The following CDH23 variants were observed in gnomAD, a reference collection of about 807,000 sequenced individuals.
CDH23 encodes cadherin related 23, also known as cadherin-23.
Under a neutral mutation model 317.1 loss-of-function variants are expected in CDH23, and 189 were observed. The observed-to-expected ratio is 0.60, with a 90% confidence interval of 0.53 to 0.67. The LOEUF (loss-of-function observed/expected upper bound fraction) is 0.67, where lower values mean the gene tolerates loss of function less well. Ranked by LOEUF, CDH23 falls within the 30% of genes least tolerant of loss-of-function variation. The pLI, the probability that CDH23 is intolerant of heterozygous loss-of-function variation, is 0.00. For missense variants in CDH23, 4,401 were observed against 4,592.4 expected, an observed-to-expected ratio of 0.96 and a Z score of 1.20; for synonymous variants, 1,839 against 1,876.8, an observed-to-expected ratio of 0.98 and a Z score of 0.52.
chr10:71,414,551 G>A (rs1393413635), intron 1 of CDH23, among the ~76,000 whole-genome samples: 1 of 152,152 alleles, frequency 6.6e-6, no homozygotes, highest in Non-Finnish European at 1.5e-5. Flanking sequence ...CCCCTTATCT[G>A]TTATTGCAAT....
rs1865884474 is a variant in CDH23 at position 71,709,084 on chromosome 10, T to C, written c.3107-14T>C. 2 of 1,612,604 alleles carry C rather than the reference T, an allele frequency of 1.2e-6. No homozygotes were observed. The highest frequency in any genetic ancestry group is 1.7e-5 in the Admixed American group (1 of 59,998). On this transcript the variant is annotated splice_polypyrimidine_tract_variant and intron_variant, in intron 26 of 69. Coordinates refer to ENST00000224721, the MANE Select transcript of CDH23 (RefSeq NM_022124.6). The stretch of plus-strand genomic sequence containing the variant: ...CTGTTTCCCAGCCGGAAGCTTCCTC[T>C]CCTTCACCCACAGGTGGCAACGTGG...
chr10:71,457,033 G>A (rs1168662067), intron 3 of CDH23, among the ~76,000 whole-genome samples: 1 of 152,220 alleles, frequency 6.6e-6, no homozygotes, highest in African/African-American at 2.4e-5. Context: ...GCAAGTGGGA[G>A]GCATGAACTA....
chr10:71,538,299 G>GA (rs770438182), intron 6 of CDH23, among the ~76,000 whole-genome samples: 8 of 152,190 alleles, frequency 5.3e-5, no homozygotes, highest in Non-Finnish European at 8.8e-5. Flanking sequence ...CCCAGTGAGG[G>GA]AAAATATGTC....
chr10:71,402,859 G>A (rs1402045831), intron 1 of CDH23, among the ~76,000 whole-genome samples: 3 of 152,306 alleles, frequency 2.0e-5, no homozygotes, highest in South Asian at 4.1e-4. Flanking sequence ...GCTCACGCCT[G>A]TAATCCCAGC....
intron 31 of CDH23, among the ~76,000 whole-genome samples, 180 bp from the exon 32 acceptor site, chr10:71,731,807 C>T (rs1839397692): frequency 6.6e-6 from 1 of 152,192 alleles, no homozygotes; most frequent in South Asian, 2.1e-4. Flanking sequence ...TGGACCTTGC[C>T]ATCCACATTG....
chr10:71,416,673 T>G (rs1848546414), intron 1 of CDH23, among the ~76,000 whole-genome samples: 1 of 152,154 alleles, frequency 6.6e-6, no homozygotes, highest in African/African-American at 2.4e-5. Context: ...TACCTTTGCT[T>G]TTTATTTTTA....
chr10:71,734,682 T>C, intron 34 of CDH23, 24 bp downstream of exon 34: 1 of 1,383,932 alleles, frequency 7.2e-7, no homozygotes, highest in Non-Finnish European at 9.8e-7. Flanking sequence ...GGCTGGAGCT[T>C]CCCCTGTGCT....
intron 1 of CDH23, among the ~76,000 whole-genome samples, chr10:71,413,548 T>C (rs573000837): frequency 2.0e-5 from 3 of 152,366 alleles, no homozygotes; most frequent in African/African-American, 7.2e-5. Context: ...AGAATTACAT[T>C]AAGTCTGTAG....
intron 3 of CDH23, among the ~76,000 whole-genome samples, chr10:71,499,299 C>T (rs1853148316): frequency 6.6e-6 from 1 of 152,210 alleles, no homozygotes. Flanking sequence ...AGTTAGCTCA[C>T]ACCTATAATC....
At chr10:71,776,325 G>A (rs1840816301) in intron 38 of CDH23, among the ~76,000 whole-genome samples, 1 of 152,182 alleles carries the variant, frequency 6.6e-6, no homozygotes, top group Non-Finnish European at 1.5e-5. Context: ...TCCAGTGGTA[G>A]CTCCAGAGCC....
intron 6 of CDH23, among the ~76,000 whole-genome samples, chr10:71,539,503 G>A (rs771698297): frequency 2.0e-5 from 3 of 151,740 alleles, no homozygotes; most frequent in East Asian, 1.9e-4. Context: ...TTTGTTAGAC[G>A]CATGTCAAGC....
intron 14 of CDH23, among the ~76,000 whole-genome samples, chr10:71,655,296 GC>G (rs1182109914): frequency 3.9e-5 from 6 of 152,062 alleles, no homozygotes; most frequent in African/African-American, 1.4e-4. Context: ...TCCAGCCCTT[GC>G]CCCCATACCC....
chr10:71,566,664 G>T, intron 6 of CDH23, 78 bp from the exon 7 acceptor site: 2 of 1,338,606 alleles, frequency 1.5e-6, no homozygotes, highest in African/African-American at 1.5e-5. Context: ...TAGAGAATGG[G>T]CTTTGAGGGA....
At chr10:71,633,817 C>T (rs1048443203) in intron 11 of CDH23, among the ~76,000 whole-genome samples, 2 of 152,196 alleles carry the variant, frequency 1.3e-5, no homozygotes, top group African/African-American at 2.4e-5. Context: ...CCAGTCCTCG[C>T]TCCCCATCTC....
intron 3 of CDH23, among the ~76,000 whole-genome samples, chr10:71,447,855 T>C (rs1448425269): frequency 6.6e-6 from 1 of 152,160 alleles, no homozygotes; most frequent in Non-Finnish European, 1.5e-5. Flanking sequence ...CACCTGTGAC[T>C]CCTCTCTCCA....
chr10:71,617,709 G>A (rs1385970869), intron 11 of CDH23: 3 of 277,480 alleles, frequency 1.1e-5, no homozygotes, highest in Non-Finnish European at 1.6e-5. Context: ...ATTTTAAAAG[G>A]TAGAAATAAG....
intron 1 of CDH23, among the ~76,000 whole-genome samples, chr10:71,434,097 G>A (rs115554692): frequency 1.1e-3 from 167 of 151,966 alleles, no homozygotes; most frequent in African/African-American, 3.8e-3. Flanking sequence ...CTCCTCAAGC[G>A]CACTAGGCAT....
chr10:71,788,786 G>A (rs1841166760), intron 44 of CDH23, among the ~76,000 whole-genome samples, 154 bp from the exon 45 acceptor site: 1 of 152,172 alleles, frequency 6.6e-6, no homozygotes, highest in African/African-American at 2.4e-5. Flanking sequence ...CCTCTTGTAT[G>A]TCTTCTTTTG....
chr10:71,490,872 G>C (rs1852617729), intron 3 of CDH23, among the ~76,000 whole-genome samples: 1 of 152,296 alleles, frequency 6.6e-6, no homozygotes, highest in South Asian at 2.1e-4. Flanking sequence ...AGGTCACTCA[G>C]CTTGTAAAAG....
Sources: allele counts gnomAD v4.1 joint callset (sites outside exome capture counted in the v4.1 genomes callset), GRCh38; gene constraint gnomAD v4.1.1; transcripts MANE v1.5; gene names NCBI Gene and HGNC (gene_info 2026-07-23, HGNC 2026-07-21).